Variants in PER3 observed in about 807,000 individuals in gnomAD.
The protein encoded by PER3 is period circadian protein homolog 3.
In PER3, 107 loss-of-function variants were observed where a neutral mutation model predicts 127.2. That is an observed-to-expected ratio of 0.84 (90% CI 0.72 to 0.99). The LOEUF is 0.99. PER3 is among the 50% of genes least tolerant of loss of function. The pLI is 0.00. For synonymous variants in PER3, 618 were observed against 585.8 expected (o/e 1.05, Z -0.79); for missense variants, 1,560 against 1,525.8 (o/e 1.02, Z -0.37).
At chr1:7,789,844 C>G (rs1558382864) in intron 5 of PER3, among the ~76,000 whole-genome samples, 1 of 152,198 alleles carries the variant, frequency 6.6e-6, no homozygotes, top group Non-Finnish European at 1.5e-5. Context: ...ACATGCATGT[C>G]ATCCCTGCTT....
chr1:7,809,586 C>A (rs1162071972), intron 11 of PER3, among the ~76,000 whole-genome samples: 1 of 152,072 alleles, frequency 6.6e-6, no homozygotes, highest in African/African-American at 2.4e-5. Context: ...GTATTCTAAA[C>A]TGGGCATAAA....
rs1366485926 is a variant in PER3 at position 7,844,011 on chromosome 1, A to G, written c.*1256A>G. The G allele has an allele frequency of 8.8e-7, 1 of 1,140,206 alleles. No homozygotes were observed. Among genetic ancestry groups the G allele is most frequent in the Non-Finnish European group, 1.1e-6 (1 of 901,536 alleles). The allele number at this position is 1,140,206 out of a possible 1,614,324, so 70.6% of individuals were successfully genotyped here. A position where few individuals can be genotyped will look rare whatever the true frequency, so the allele number is the denominator to read the frequency against. The stretch of plus-strand genomic sequence containing the variant: ...GGTTACAGTAACCTGTTGTCTTTAT[A>G]TAACTTGCAACAAACTAATTTATTT... On this transcript the variant is annotated 3_prime_UTR_variant, in exon 22 of 22. Transcript: ENST00000377532.
Position 7,808,956 on chromosome 1 carries a change from C to T in PER3, c.1200C>T (p.Asp400=). 2 of 1,594,610 alleles carry T rather than the reference C, an allele frequency of 1.3e-6. No individual in the cohort carries two copies. Among genetic ancestry groups the T allele is most frequent in the Non-Finnish European group, 1.7e-6 (2 of 1,163,654 alleles). Residue 400 remains aspartate (D), a synonymous_variant, in exon 11 of 22, where the codon GAC becomes GAT. Coordinates refer to ENST00000377532, the MANE Select transcript of PER3 (RefSeq NM_001377275.1). ...AAAAGATGAACGATAATGACAAAGA[C>T]ATAACAGAATTACAAGAACAAATTT... is the stretch of plus-strand genomic sequence containing the variant. The part of the protein sequence containing the change: ...KIKKMNDNDK[D]ITELQEQIYK...
rs1414976451 is a variant in PER3 at position 7,819,565 on chromosome 1, T to C, written c.1658+145T>C. On this transcript the variant is annotated intron_variant, in intron 14 of 21. Transcript: ENST00000377532. The stretch of plus-strand genomic sequence containing the variant: ...AGACGTTTATGGCGTGCCTAACACA[T>C]ACGCTGAACATTTCAGAAGGCACAA... 42 of 698,532 alleles carry C rather than the reference T, an allele frequency of 6.0e-5. No homozygotes were observed. The Admixed American group carries it at 1.0e-3, about 17-fold the overall frequency. The allele number at this position is 698,532 out of a possible 1,614,324, so 43.3% of individuals were successfully genotyped here.
chr1:7,792,264 GAAAAGCCTCTTATA>G (rs1398324096), intron 5 of PER3, among the ~76,000 whole-genome samples: 1 of 152,100 alleles, frequency 6.6e-6, no homozygotes, highest in Non-Finnish European at 1.5e-5. Flanking sequence ...GCAAAAGGGG[GAAAAGCCTCTTATA>G]AAACCATGAG....
chr1:7,805,027 C>T (rs1251154196), intron 10 of PER3, among the ~76,000 whole-genome samples: 1 of 152,068 alleles, frequency 6.6e-6, no homozygotes, highest in Non-Finnish European at 1.5e-5. Context: ...CGCCACCACA[C>T]CCAGCTCATT....
At chr1:7,822,696 AATAAG>A (rs2097283014) in intron 16 of PER3, among the ~76,000 whole-genome samples, 1 of 152,222 alleles carries the variant, frequency 6.6e-6, no homozygotes. Context: ...GAACAAACCA[AATAAG>A]ATAATAGCTC....
At chr1:7,830,724 A>C (rs2097327731) in intron 19 of PER3, among the ~76,000 whole-genome samples, 1 of 152,154 alleles carries the variant, frequency 6.6e-6, no homozygotes, top group African/African-American at 2.4e-5. Context: ...GTTTGTTCAA[A>C]GGATTAATCT....
Position 7,827,555 on chromosome 1 carries a change from T to A in PER3, c.2626T>A (p.Cys876Ser). ...TCTGTTGTCGCCATCGTTTTTGCCA[T>A]GTCCATTCCTGGGGGCGACAGCCTC... The part of the protein sequence containing the change: ...CPLLSPSFLP[C>S]PFLGATASSA... The change falls in exon 18 of 22, where the codon TGT becomes AGT. Residue 876 changes from cysteine to serine, a missense_variant. Coordinates refer to ENST00000377532, the MANE Select transcript of PER3 (RefSeq NM_001377275.1). 6.2e-7 allele frequency: 1 copy of A among 1,614,210 alleles called. No individual in the cohort carries two copies. The highest frequency in any genetic ancestry group is 1.1e-5 in the South Asian group (1 of 91,088).
intron 18 of PER3, 82 bp from the exon 19 acceptor site, chr1:7,829,752 A>T: frequency 8.2e-7 from 1 of 1,221,242 alleles, no homozygotes; most frequent in Non-Finnish European, 1.2e-6. Context: ...AACTACAGAA[A>T]GCAAAACCAT....
At chr1:7,832,622 C>T (rs2097337297) in intron 19 of PER3, among the ~76,000 whole-genome samples, 1 of 152,004 alleles carries the variant, frequency 6.6e-6, no homozygotes, top group South Asian at 2.1e-4. Flanking sequence ...ATTCGCCCGC[C>T]TTGGCCTTCC....
At chr1:7,797,373 G>A (rs578163636) in intron 6 of PER3, among the ~76,000 whole-genome samples, 6 of 152,294 alleles carry the variant, frequency 3.9e-5, no homozygotes, top group South Asian at 2.1e-4. Flanking sequence ...AGTGGCTCAC[G>A]CCTGTAATCC....
At chr1:7,800,216 ATT>A (rs35599508) in intron 7 of PER3, among the ~76,000 whole-genome samples, 1 of 146,400 alleles carries the variant, frequency 6.8e-6, no homozygotes, top group Non-Finnish European at 1.5e-5. Flanking sequence ...CAATCACTTC[ATT>A]TTTTTTTTTC....
rs1450865022 is a variant in PER3, at chr1:7,837,024, G to T, written c.3424G>T (p.Asp1142Tyr). 6 of 1,613,566 alleles carry T rather than the reference G, an allele frequency of 3.7e-6. No homozygotes were observed. The African/African-American group carries it at 8.0e-5, about 22-fold the overall frequency. ...GGTTAAAGAAGTTGTACTAAAAGAA[G>T]ACCTGGAAAAGCTAGAAAGTATGAG... is the stretch of plus-strand genomic sequence containing the variant. ...ERVKEVVLKEDLEKLESMRQQ... is the reference protein window; with the variant it reads ...ERVKEVVLKEYLEKLESMRQQ... Residue 1142 changes from aspartate (D) to tyrosine (Y), a missense_variant, in exon 21 of 22, where the codon GAC (aspartate) becomes TAC (tyrosine). By Grantham distance (160) the Asp-to-Tyr change is radical (BLOSUM62 -3). This residue lies in a region of PER3 where 199 missense variants were observed against 198.6 expected (regional missense o/e 1.00). Coordinates refer to ENST00000377532, the MANE Select transcript of PER3 (RefSeq NM_001377275.1).
intron 13 of PER3, among the ~76,000 whole-genome samples, chr1:7,818,667 T>C (rs2151004656): frequency 6.6e-6 from 1 of 152,364 alleles, no homozygotes; most frequent in Non-Finnish European, 1.5e-5. Flanking sequence ...GGTGGCCACT[T>C]GCCACATGTG....
At chr1:7,790,460 C>T (rs1205173324) in intron 5 of PER3, among the ~76,000 whole-genome samples, 1 of 152,190 alleles carries the variant, frequency 6.6e-6, no homozygotes, top group African/African-American at 2.4e-5. Context: ...AATTACCTCC[C>T]TCCGGGTTCC....
At chr1:7,812,538 T>C (rs1055048470) in intron 13 of PER3, among the ~76,000 whole-genome samples, 1 of 142,144 alleles carries the variant, frequency 7.0e-6, no homozygotes, top group South Asian at 2.2e-4. Context: ...GGCAGGAGAA[T>C]GGCGTGAATC....
intron 20 of PER3, 84 bp downstream of exon 20, chr1:7,836,029 G>A (rs989768405): frequency 3.2e-5 from 29 of 908,754 alleles, no homozygotes; most frequent in East Asian, 1.3e-4. Context: ...ACGGAGTCTC[G>A]CCCTGTCACC....
At chr1:7,793,748 T>C (rs1367329191) in intron 5 of PER3, among the ~76,000 whole-genome samples, 1 of 152,048 alleles carries the variant, frequency 6.6e-6, no homozygotes, top group African/African-American at 2.4e-5. Context: ...TACCTGAGGT[T>C]CACGGTTCCA....
Sources: allele counts gnomAD v4.1 joint callset (sites outside exome capture counted in the v4.1 genomes callset), GRCh38; gene constraint gnomAD v4.1.1; regional missense constraint gnomAD v4.1.1; transcripts MANE v1.5; gene names NCBI Gene and HGNC (gene_info 2026-07-23, HGNC 2026-07-21).